Variants in CHD4 observed in about 807,000 individuals in gnomAD.
CHD4 encodes ATP-dependent chromatin remodeler CHD4.
A neutral mutation model predicts 235.5 loss-of-function variants in CHD4; 35 were observed. The ratio of observed to expected loss-of-function variants is 0.15; its 90% CI spans 0.11 to 0.20. CHD4 has a LOEUF of 0.20. Ranked by LOEUF, CHD4 falls within the 10% of genes least tolerant of loss-of-function variation. The pLI, the probability that CHD4 is intolerant of heterozygous loss-of-function variation, is 1.00. For synonymous variants in CHD4, 900 were observed against 850.2 expected (o/e 1.06, Z -1.02); for missense variants, 1,329 against 2,432.3 (o/e 0.55, Z 9.54).
intron 15 of CHD4, 25 bp downstream of exon 15, chr12:6,594,434 A>C (rs900555691): frequency 6.3e-7 from 1 of 1,578,602 alleles, no homozygotes; most frequent in Non-Finnish European, 8.6e-7. Flanking sequence ...CCACACAAAA[A>C]ACTATCCACC....
chr12:6,602,280 T>C, intron 3 of CHD4, 96 bp downstream of exon 3: 6 of 1,599,790 alleles, frequency 3.8e-6, no homozygotes, highest in Non-Finnish European at 5.1e-6. Context: ...GGCCCACCAC[T>C]TCTGAGAAAG....
chr12:6,594,329 T>A (rs1037991177), intron 15 of CHD4, 130 bp downstream of exon 15: 16 of 712,660 alleles, frequency 2.2e-5, no homozygotes, highest in Non-Finnish European at 3.5e-5. Flanking sequence ...CATGTGTTTA[T>A]CTATTATCCA....
chr12:6,587,329 A>G (rs1948317488), intron 25 of CHD4, 55 bp downstream of exon 25: 20 of 1,573,192 alleles, frequency 1.3e-5, no homozygotes, highest in Non-Finnish European at 1.6e-5. Flanking sequence ...CTTGGTCTCA[A>G]TGCCAATTTT....
At chr12:6,573,403 TC>T in intron 37 of CHD4, 134 bp from the exon 38 acceptor site, 2 of 614,482 alleles carry the variant, frequency 3.3e-6, no homozygotes, top group Non-Finnish European at 5.1e-6. Flanking sequence ...GACAGCTCAT[TC>T]CCACACCCAA....
At chr12:6,582,998 A>G (rs2136203463) in intron 27 of CHD4, 29 bp downstream of exon 27, 2 of 1,589,962 alleles carry the variant, frequency 1.3e-6, no homozygotes, top group East Asian at 2.2e-5. Flanking sequence ...CAACATTTAG[A>G]AAAGCAACAA....
chr12:6,600,441 T>TG, intron 8 of CHD4, 46 bp from the exon 9 acceptor site: 3 of 1,600,478 alleles, frequency 1.9e-6, no homozygotes, highest in Non-Finnish European at 1.7e-6. Flanking sequence ...AAAAACTACC[T>TG]CCCCCCACCC....
chr12:6,591,069 G>A (rs1414263876), intron 22 of CHD4, among the ~76,000 whole-genome samples: 2 of 134,024 alleles, frequency 1.5e-5, no homozygotes, highest in Non-Finnish European at 1.5e-5. Context: ...GTTGCAGTGA[G>A]CCAAGATCGT....
At position 6,606,597 on chromosome 12, in the gene CHD4, C is replaced by G. The variant is rs1334519439; in HGVS notation, c.-78-146G>C. On this transcript the variant is annotated intron_variant, in intron 1 of 39. Coordinates refer to ENST00000544040, the MANE Select transcript of CHD4 (RefSeq NM_001273.5). The stretch of plus-strand genomic sequence containing the variant: ...TCAGGCTGAACTTAGTTCCACACTC[C>G]TCGGGGGCAGCCCGGAAGCCGGCTC... The G allele has an allele frequency of 1.4e-5, 6 of 425,550 alleles. No homozygotes were observed. In the East Asian group the frequency reaches 2.0e-4, roughly 14 times the overall value. 26.4% of individuals were successfully genotyped at this position (425,550 alleles called of 1,614,324 possible).
rs781360267 is a variant in CHD4 at position 6,592,743 on chromosome 12, C to A, written c.2727G>T (p.Leu909=). Residue 909 remains leucine (L), a synonymous_variant, in exon 18 of 40, where the codon CTG becomes CTT. Transcript: ENST00000544040. ...AGTTGAGCAGATGAAACAACTCTTC[C>A]AGATTGTTTTGTAATGGTGTCCCAG... The part of the protein sequence containing the change: ...LLTGTPLQNN[L]EELFHLLNFL... 8 of 1,613,962 alleles carry A rather than the reference C, an allele frequency of 5.0e-6. No homozygotes were observed. In the East Asian group the frequency reaches 1.8e-4, roughly 36 times the overall value.
intron 37 of CHD4, among the ~76,000 whole-genome samples, chr12:6,577,218 G>T (rs1948085927): frequency 6.6e-6 from 1 of 152,110 alleles, no homozygotes; most frequent in African/African-American, 2.4e-5. Flanking sequence ...TCAGGAGTTT[G>T]AGACCAGCCT....
chr12:6,587,510 A>C lies in CHD4; in HGVS notation c.3753T>G (p.Asp1251Glu). The change falls in exon 25 of 40, where the codon GAT (aspartate) becomes GAG (glutamate). Residue 1251 changes from aspartate (D) to glutamate (E), a missense_variant. Asp to Glu is a conservative substitution (Grantham distance 45). Coordinates refer to ENST00000544040, the MANE Select transcript of CHD4 (RefSeq NM_001273.5). Reference sequence around the variant, plus strand: ...GGTCTAGCAGCCGTTCAATGGCCTTATCATCGTAGTGGATAACACTGCTAT... The same window carrying C: ...GGTCTAGCAGCCGTTCAATGGCCTTCTCATCGTAGTGGATAACACTGCTAT... ...GEDSSVIHYD[D>E]KAIERLLDRN... 6.2e-7 allele frequency: 1 copy of C among 1,614,150 alleles called. No individual in the cohort carries two copies. The highest frequency in any genetic ancestry group is 8.5e-7 in the Non-Finnish European group (1 of 1,180,038).
intron 15 of CHD4, 40 bp downstream of exon 15, chr12:6,594,419 A>G (rs765233730): frequency 4.5e-6 from 7 of 1,555,930 alleles, no homozygotes; most frequent in Middle Eastern, 1.7e-4. Context: ...TCAAACACAA[A>G]ACACCCACAC....
rs892264423 is a variant in CHD4, at chr12:6,593,812, A to C, written c.2314-196T>G. On this transcript the variant is annotated intron_variant, in intron 15 of 39. Transcript: ENST00000544040. This position sits in a 1 kb window ranked among gnomAD's most constrained non-coding sequence, Gnocchi z 4.9. ...AACCCAAGGTCCCACCATAACTACA[A>C]GTCTTACCTCTCCCATTAAGTCTTT... 6.6e-6 allele frequency among the ~76,000 whole-genome samples: 1 copy of C among 152,062 alleles called. No homozygotes were observed. Among genetic ancestry groups the C allele is most frequent in the Admixed American group, 6.6e-5 (1 of 15,262 alleles).
intron 4 of CHD4, 39 bp from the exon 5 acceptor site, chr12:6,601,805 A>G (rs1306195050): frequency 6.3e-7 from 1 of 1,581,560 alleles, no homozygotes; most frequent in Non-Finnish European, 8.7e-7. Context: ...CCTGCCACCT[A>G]GTGCCCACAC....
chr12:6,570,754 G>A, intron 39 of CHD4, 61 bp from the exon 40 acceptor site: 4 of 1,613,216 alleles, frequency 2.5e-6, no homozygotes, highest in Non-Finnish European at 3.4e-6. Flanking sequence ...CAATCTCAAG[G>A]GAATTCACTG....
At chr12:6,585,327 C>CG (rs1948263834) in intron 25 of CHD4, among the ~76,000 whole-genome samples, 2 of 152,078 alleles carry the variant, frequency 1.3e-5, no homozygotes, top group South Asian at 4.1e-4. Flanking sequence ...CTCTGTCCCC[C>CG]AGGCTGGAGT....
chr12:6,597,233 G>A (rs1421424604), intron 12 of CHD4, among the ~76,000 whole-genome samples: 2 of 146,436 alleles, frequency 1.4e-5, no homozygotes, highest in South Asian at 2.3e-4. Flanking sequence ...CCAAGATCAC[G>A]CCACTGCACT....
At position 6,591,946 on chromosome 12, in the gene CHD4, G is replaced by A; in HGVS notation, c.3060C>T (p.Asn1020=). 6.2e-7 allele frequency: 1 copy of A among 1,614,258 alleles called. No homozygotes were observed. Among genetic ancestry groups the A allele is most frequent in the Non-Finnish European group, 8.5e-7 (1 of 1,180,050 alleles). Residue 1020 remains asparagine, a synonymous_variant, in exon 20 of 40, where the codon AAC becomes AAT. Transcript: ENST00000544040. The stretch of plus-strand genomic sequence containing the variant: ...CAGCCACAGGGAAGAGGTATGGATG[G>A]TTGCAGCACTTCTTAAGATCCATCA... ...NVVMDLKKCC[N]HPYLFPVAAM...
rs1487391859 is a variant in CHD4 at position 6,578,984 on chromosome 12, A to C, written c.4910-67T>G. ...ACATTCTCCTCTGTTGCACACTATT[A>C]TCCAATTGGATAGACCCACATCTAA... On this transcript the variant is annotated intron_variant, in intron 33 of 39. Transcript: ENST00000544040. 7.0e-6 allele frequency: 10 copies of C among 1,420,956 alleles called. No homozygotes were observed. In the East Asian group the frequency reaches 2.3e-4, roughly 32 times the overall value. 88.0% of individuals were successfully genotyped at this position (1,420,956 alleles called of 1,614,324 possible).
Sources: allele counts gnomAD v4.1 joint callset (sites outside exome capture counted in the v4.1 genomes callset), GRCh38; gene constraint gnomAD v4.1.1; non-coding constraint Gnocchi (gnomAD v3.1); transcripts MANE v1.5; gene names NCBI Gene and HGNC (gene_info 2026-07-23, HGNC 2026-07-21).